Variants in MASP1 observed in about 807,000 individuals in gnomAD.
MASP1 encodes the protein MBL associated serine protease 1, also known as mannan-binding lectin serine protease 1.
A neutral mutation model predicts 77.1 loss-of-function variants in MASP1; 59 were observed. The observed-to-expected ratio is 0.77, with a 90% CI of 0.62 to 0.95. MASP1 has a LOEUF of 0.95. MASP1 is among the 40% of genes least tolerant of loss of function. The pLI, the probability that MASP1 is intolerant of heterozygous loss-of-function variation, is 0.00. For synonymous variants in MASP1, 362 were observed against 354.5 expected (o/e 1.02, Z -0.24); for missense variants, 885 against 912.9 (o/e 0.97, Z 0.39).
At chr3:187,226,723 T>C (rs1394426366) in intron 11 of MASP1, among the ~76,000 whole-genome samples, 6 of 152,220 alleles carry the variant, frequency 3.9e-5, no homozygotes, top group African/African-American at 1.4e-4. Flanking sequence ...TCTGTGATTT[T>C]TACCTGCCTA....
rs374318520 is a variant in MASP1, at chr3:187,264,964, C to T, written c.238-2244G>A. 2.6e-5 allele frequency among the ~76,000 whole-genome samples: 4 copies of T among 152,074 alleles called. No homozygotes were observed. In the East Asian group the frequency reaches 5.8e-4, roughly 22 times the overall value. ...TCCTGGGTCCTGTTCCTGACACTGCCGTATTCTGCATTTTGGGCCATCTCC... is the reference window on the plus strand; with the variant it reads ...TCCTGGGTCCTGTTCCTGACACTGCTGTATTCTGCATTTTGGGCCATCTCC... On this transcript the variant is annotated intron_variant, in intron 2 of 10. Coordinates refer to ENST00000296280, the MANE Select transcript of MASP1 (RefSeq NM_139125.4).
intron 1 of MASP1, among the ~76,000 whole-genome samples, chr3:187,288,193 C>T (rs1463923940): frequency 6.6e-6 from 1 of 152,110 alleles, no homozygotes; most frequent in African/African-American, 2.4e-5. Context: ...ATCCCATAGC[C>T]AATGTCAATA....
intron 14 of MASP1, among the ~76,000 whole-genome samples, chr3:187,222,455 T>C (rs1259579081): frequency 2.6e-5 from 4 of 152,130 alleles, no homozygotes; most frequent in Non-Finnish European, 4.4e-5. Context: ...TTAAAATATG[T>C]CAAAATAATA....
intron 7 of MASP1, 78 bp from the exon 8 acceptor site, chr3:187,250,407 C>T (rs1714474074): frequency 6.9e-6 from 7 of 1,012,726 alleles, no homozygotes; most frequent in African/African-American, 1.6e-5. Flanking sequence ...GCAAAACCAA[C>T]TCAAGCTCCA....
rs1332035940 is a variant in MASP1 at position 187,219,955 on chromosome 3, T to C, written c.*116A>G. ...ACCTGCTCTATTGCCCAGTAATGGA[T>C]AGGCCGAAGGAGGGGGGATGGGAGG... On this transcript the variant is annotated 3_prime_UTR_variant, in exon 16 of 16. Coordinates refer to the MASP1 transcript ENST00000337774. The C allele has an allele frequency of 3.8e-6, 4 of 1,044,484 alleles. No homozygotes were observed. The East Asian group carries it at 7.4e-5, about 19-fold the overall frequency. The allele number at this position is 1,044,484 out of a possible 1,614,324, so 64.7% of individuals were successfully genotyped here. A position where few individuals can be genotyped will look rare whatever the true frequency, so the allele number is the denominator to read the frequency against.
intron 10 of MASP1, among the ~76,000 whole-genome samples, chr3:187,239,584 T>A (rs1483325911): frequency 6.6e-6 from 1 of 152,162 alleles, no homozygotes; most frequent in Non-Finnish European, 1.5e-5. Flanking sequence ...TTTGCTCACA[T>A]GGTCTTTTAG....
chr3:187,237,264 G>A (rs762420915), intron 10 of MASP1, among the ~76,000 whole-genome samples: 1 of 152,164 alleles, frequency 6.6e-6, no homozygotes, highest in Non-Finnish European at 1.5e-5. Flanking sequence ...CCATTTTCTA[G>A]GTGAGTAAAC....
chr3:187,222,186 T>C (rs1039918562), intron 14 of MASP1, among the ~76,000 whole-genome samples: 3 of 152,202 alleles, frequency 2.0e-5, no homozygotes, highest in Middle Eastern at 3.2e-3. Flanking sequence ...GAATGCCTCC[T>C]GAACCCCTGA....
At chr3:187,229,884 G>C (rs927774136), downstream of MASP1, 1 of 1,613,998 alleles carries the variant, frequency 6.2e-7, no homozygotes, top group African/African-American at 1.3e-5. Context: ...GGGAGAACTT[G>C]GGGAGCCCAC....
At chr3:187,288,310 G>A (rs1254528608) in intron 1 of MASP1, among the ~76,000 whole-genome samples, 1 of 152,190 alleles carries the variant, frequency 6.6e-6, no homozygotes, top group African/African-American at 2.4e-5. Flanking sequence ...CAAAAAACCA[G>A]GTGGCAGGGC....
intron 7 of MASP1, among the ~76,000 whole-genome samples, chr3:187,250,711 T>G (rs1353941696): frequency 6.6e-6 from 1 of 152,186 alleles, no homozygotes; most frequent in African/African-American, 2.4e-5. Flanking sequence ...TCAGTGAGGC[T>G]GGCCTACCCA....
At chr3:187,218,796 G>A (rs950304968) in exon 16 of MASP1, 8 of 152,326 alleles carry the variant, frequency 5.3e-5, no homozygotes, top group Non-Finnish European at 8.8e-5. Flanking sequence ...GTCTCTAGAA[G>A]CTTCCTGAGA....
chr3:187,253,416 G>A, intron 5 of MASP1, 101 bp from the exon 6 acceptor site: 1 of 1,234,374 alleles, frequency 8.1e-7, no homozygotes, highest in East Asian at 2.3e-5. Flanking sequence ...TGGGTTTTCT[G>A]GAAGCTTCCA....
At chr3:187,283,123 G>A (rs1717570506) in intron 2 of MASP1, among the ~76,000 whole-genome samples, 1 of 152,092 alleles carries the variant, frequency 6.6e-6, no homozygotes, top group Non-Finnish European at 1.5e-5. Context: ...CCAGGACCAT[G>A]CTGCCCCTTC....
At chr3:187,282,446 G>A (rs546901958) in intron 2 of MASP1, among the ~76,000 whole-genome samples, 29 of 148,510 alleles carry the variant, frequency 2.0e-4, no homozygotes, top group African/African-American at 7.0e-4. Flanking sequence ...GCACTGAGCC[G>A]AGATCCCGCC....
At chr3:187,247,442 G>GAGAGGA in intron 8 of MASP1, 1 of 1,593,980 alleles carries the variant, frequency 6.3e-7, no homozygotes, top group Non-Finnish European at 8.6e-7. Context: ...AGGAAGCAGA[G>GAGAGGA]AGAGGAAGAG....
intron 6 of MASP1, among the ~76,000 whole-genome samples, chr3:187,252,312 C>T (rs1458014137): frequency 6.6e-6 from 1 of 152,176 alleles, no homozygotes. Context: ...GTAATTTTCA[C>T]TCATTTGTCC....
chr3:187,278,116 T>G (rs1004816278), intron 2 of MASP1, among the ~76,000 whole-genome samples: 3 of 152,236 alleles, frequency 2.0e-5, no homozygotes, highest in African/African-American at 7.2e-5. Flanking sequence ...CATTTGGCAT[T>G]CACAGTAAGT....
At chr3:187,287,670 C>T (rs1008118182) in intron 1 of MASP1, among the ~76,000 whole-genome samples, 1 of 152,164 alleles carries the variant, frequency 6.6e-6, no homozygotes, top group East Asian at 1.9e-4. Context: ...AGTACAGAGT[C>T]TGATATATAA....
Sources: allele counts gnomAD v4.1 joint callset (sites outside exome capture counted in the v4.1 genomes callset), GRCh38; gene constraint gnomAD v4.1.1; transcripts MANE v1.5; gene names NCBI Gene and HGNC (gene_info 2026-07-23, HGNC 2026-07-21).